Variants in CHRNA3 observed in about 807,000 individuals in gnomAD.
CHRNA3 encodes the protein cholinergic receptor nicotinic alpha 3 subunit.
A neutral mutation model predicts 41.9 loss-of-function variants in CHRNA3; 34 were observed. The observed-to-expected ratio is 0.81, with a 90% CI of 0.62 to 1.08. The LOEUF is 1.08. CHRNA3 is among the 50% of genes least tolerant of loss of function. The pLI, the probability that CHRNA3 is intolerant of heterozygous loss-of-function variation, is 0.00. For missense variants in CHRNA3, 542 were observed against 638.3 expected (o/e 0.85, Z 1.63); for synonymous variants, 281 against 265.2 (o/e 1.06, Z -0.58).
intron 5 of CHRNA3, among the ~76,000 whole-genome samples, chr15:78,600,863 G>A (rs2053186619): frequency 6.6e-6 from 1 of 152,026 alleles, no homozygotes; most frequent in South Asian, 2.1e-4. Context: ...GCAGGACCCT[G>A]TCTCAAAAAA....
Position 78,602,400 on chromosome 15 carries a change from G to T in CHRNA3, c.378-136C>A. On this transcript the variant is annotated intron_variant, in intron 4 of 5. Transcript: ENST00000326828. ...GATGAGAGCTAAAGTGCCATAAAAG[G>T]TCACCCATTTCCTGGCCCCATTTAC... 7 of 991,780 alleles carry T rather than the reference G, an allele frequency of 7.1e-6. No individual in the cohort carries two copies. In the South Asian group the frequency reaches 1.2e-4, roughly 17 times the overall value. The allele number at this position is 991,780 out of a possible 1,614,324, so 61.4% of individuals were successfully genotyped here.
intron 4 of CHRNA3, among the ~76,000 whole-genome samples, chr15:78,615,252 G>C (rs544709775): frequency 1.0e-3 from 156 of 152,342 alleles, no homozygotes; most frequent in African/African-American, 3.3e-3. Context: ...CCTTTTCCCA[G>C]TGGGAGGAGG....
intron 4 of CHRNA3, among the ~76,000 whole-genome samples, chr15:78,616,511 C>T (rs1228474172): frequency 6.6e-6 from 1 of 152,124 alleles, no homozygotes; most frequent in African/African-American, 2.4e-5. Context: ...TTACTCCATT[C>T]CTGTCTGTTT....
chr15:78,596,185 A>C lies in CHRNA3; in HGVS notation c.*419T>G. ...GGTAACGATGGGGGATTGCTGAATT[A>C]GTATAAACCTTCAAAGAGATTATGG... is the stretch of plus-strand genomic sequence containing the variant. On this transcript the variant is annotated 3_prime_UTR_variant, in exon 6 of 6. Transcript: ENST00000326828. The C allele has an allele frequency of 1.0e-6, 1 of 986,058 alleles. No individual in the cohort carries two copies. The highest frequency in any genetic ancestry group is 1.7e-5 in the African/African-American group (1 of 57,390). The allele number at this position is 986,058 out of a possible 1,614,324, so 61.1% of individuals were successfully genotyped here.
rs201336594 is a variant in CHRNA3, at chr15:78,596,579, C to A, written c.*25G>T. 11 of 1,522,582 alleles carry A rather than the reference C, an allele frequency of 7.2e-6. No individual in the cohort carries two copies. The highest frequency in any genetic ancestry group is 9.7e-6 in the Non-Finnish European group (11 of 1,138,784). The allele number at this position is 1,522,582 out of a possible 1,614,324, so 94.3% of individuals were successfully genotyped here. ...CTCCTGCCCTGACACAAGGAAGTCT[C>A]CCAGGCAGGCACACAGCTTAGTGCT... is the stretch of plus-strand genomic sequence containing the variant. On this transcript the variant is annotated 3_prime_UTR_variant, in exon 6 of 6. Coordinates refer to ENST00000326828, the MANE Select transcript of CHRNA3 (RefSeq NM_000743.5).
In CHRNA3 at chr15:78,595,424, C is replaced by A. The variant is rs201380302; in HGVS notation, c.*1180G>T. ...CACGTTAAGTTTCAGAAGTGTAGTA[C>A]ATGATACTCTTAACAATTTGTCTAA... On this transcript the variant is annotated 3_prime_UTR_variant, in exon 6 of 6. Coordinates refer to ENST00000326828, the MANE Select transcript of CHRNA3 (RefSeq NM_000743.5). 7.3e-5 allele frequency: 72 copies of A among 985,106 alleles called. No homozygotes were observed. The Admixed American group carries it at 2.4e-3, about 33-fold the overall frequency. The allele number at this position is 985,106 out of a possible 1,614,324, so 61.0% of individuals were successfully genotyped here.
At position 78,596,235 on chromosome 15, in the gene CHRNA3, G is replaced by A. The variant is rs1779044840; in HGVS notation, c.*369C>T. On this transcript the variant is annotated 3_prime_UTR_variant, in exon 6 of 6. Transcript: ENST00000326828. The stretch of plus-strand genomic sequence containing the variant: ...GGCTAAATAAGAAAAATTACTGGGA[G>A]ATCTGTAGTGATAACTGAATGACTT... 1 of 989,026 alleles carries A rather than the reference G, an allele frequency of 1.0e-6. No homozygotes were observed. The allele number at this position is 989,026 out of a possible 1,614,324, so 61.3% of individuals were successfully genotyped here.
At chr15:78,602,322 T>C (rs1017003260) in intron 4 of CHRNA3, 58 bp from the exon 5 acceptor site, 3 of 1,539,446 alleles carry the variant, frequency 1.9e-6, no homozygotes, top group Non-Finnish European at 2.6e-6. Context: ...GGTCATATTG[T>C]GGTCATCTCA....
At chr15:78,619,125 T>G (rs2053511461) in intron 1 of CHRNA3, 1 of 602,076 alleles carries the variant, frequency 1.7e-6, no homozygotes. Flanking sequence ...CCACACGCAT[T>G]CAGTGAGAAG....
intron 5 of CHRNA3, among the ~76,000 whole-genome samples, chr15:78,597,484 G>A (rs771271786): frequency 2.0e-5 from 3 of 151,822 alleles, no homozygotes; most frequent in African/African-American, 2.4e-5. Flanking sequence ...TGAGATAAGC[G>A]TTATCAGGGC....
rs2053541286 is a variant in CHRNA3, at chr15:78,620,891, A to C, written c.-97T>G. The C allele has an allele frequency of 1.6e-6, 2 of 1,271,780 alleles. No individual in the cohort carries two copies. Among genetic ancestry groups the C allele is most frequent in the Non-Finnish European group, 2.0e-6 (2 of 1,012,662 alleles). The allele number at this position is 1,271,780 out of a possible 1,614,324, so 78.8% of individuals were successfully genotyped here. ...CCCGCGCGGCTCCAGCGCAGACCCC[A>C]GACCTGGAGCCGTGCGGGCGGAGAC... is the stretch of plus-strand genomic sequence containing the variant. On this transcript the variant is annotated 5_prime_UTR_variant, in exon 1 of 6. Transcript: ENST00000326828.
chr15:78,593,266 G>A, downstream of CHRNA3: 1 of 1,598,506 alleles, frequency 6.3e-7, no homozygotes, highest in Non-Finnish European at 8.5e-7. Flanking sequence ...CCTCCCAAGG[G>A]ACTGAAGTAT....
At position 78,601,781 on chromosome 15, in the gene CHRNA3, G is replaced by A. The variant is rs1465993393; in HGVS notation, c.861C>T (p.Leu287=). 6.2e-7 allele frequency: 1 copy of A among 1,614,130 alleles called. No individual in the cohort carries two copies. Among genetic ancestry groups the A allele is most frequent in the Admixed American group, 1.7e-5 (1 of 60,006 alleles). Residue 287 remains leucine, a synonymous_variant, in exon 5 of 6, where the codon CTC becomes CTT. Transcript: ENST00000326828. ...ISVLLSLTVF[L]LVITETIPST... ...AAGGGATGGTCTCAGTGATCACCAG[G>A]AGAAACACCGTCAGGGAGAGGAGGA...
In CHRNA3 at chr15:78,596,420, C is replaced by G; in HGVS notation, c.*184G>C. On this transcript the variant is annotated 3_prime_UTR_variant, in exon 6 of 6. Coordinates refer to ENST00000326828, the MANE Select transcript of CHRNA3 (RefSeq NM_000743.5). Reference sequence around the variant, plus strand: ...AAAGGCTAGTTAAATGTTCATTTATCGGTAATAAATACTCTTGACATTTTT... The same window carrying G: ...AAAGGCTAGTTAAATGTTCATTTATGGGTAATAAATACTCTTGACATTTTT... 7.9e-7 allele frequency: 1 copy of G among 1,264,130 alleles called. No homozygotes were observed. The highest frequency in any genetic ancestry group is 1.6e-5 in the African/African-American group (1 of 63,404). The allele number at this position is 1,264,130 out of a possible 1,614,324, so 78.3% of individuals were successfully genotyped here. A position where few individuals can be genotyped will look rare whatever the true frequency, so the allele number is the denominator to read the frequency against.
intron 3 of CHRNA3, 34 bp downstream of exon 3, chr15:78,618,583 A>T: frequency 6.2e-7 from 1 of 1,613,384 alleles, no homozygotes; most frequent in Non-Finnish European, 8.5e-7. Flanking sequence ...AGTCACCACC[A>T]GGGGGCAGCA....
At chr15:78,594,762 T>A (rs1312893720), downstream of CHRNA3, 1 of 152,230 alleles carries the variant, frequency 6.6e-6, no homozygotes, top group Non-Finnish European at 1.5e-5. Context: ...ATGCACACTG[T>A]TATATACCTG....
rs1428337526 is a variant in CHRNA3 at position 78,602,000 on chromosome 15, G to A, written c.642C>T (p.Gly214=). The change falls in exon 5 of 6, where the codon GGC becomes GGT. Residue 214 remains glycine (G), a synonymous_variant. Coordinates refer to ENST00000326828, the MANE Select transcript of CHRNA3 (RefSeq NM_000743.5). ...SGEWAIIKAP[G]YKHDIKYNCC... is the part of the protein sequence containing the mutation. ...AGTTGTACTTGATGTCGTGTTTGTA[G>A]CCTGGGGCTTTGATGATGGCCCACT... The A allele has an allele frequency of 6.2e-7, 1 of 1,613,582 alleles. No homozygotes were observed. The highest frequency in any genetic ancestry group is 1.7e-5 in the Admixed American group (1 of 60,014).
chr15:78,595,415 A>C lies in CHRNA3; in HGVS notation c.*1189T>G. Reference sequence around the variant, plus strand: ...GGTGATGATCACGTTAAGTTTCAGAAGTGTAGTACATGATACTCTTAACAA... The same window carrying C: ...GGTGATGATCACGTTAAGTTTCAGACGTGTAGTACATGATACTCTTAACAA... On this transcript the variant is annotated 3_prime_UTR_variant, in exon 6 of 6. Coordinates refer to ENST00000326828, the MANE Select transcript of CHRNA3 (RefSeq NM_000743.5). The C allele has an allele frequency of 3.0e-6, 3 of 985,226 alleles. No homozygotes were observed. The highest frequency in any genetic ancestry group is 2.4e-6 in the Non-Finnish European group (2 of 829,756). The allele number at this position is 985,226 out of a possible 1,614,324, so 61.0% of individuals were successfully genotyped here.
At chr15:78,615,855 C>G (rs2053453567) in intron 4 of CHRNA3, among the ~76,000 whole-genome samples, 1 of 150,588 alleles carries the variant, frequency 6.6e-6, no homozygotes, top group African/African-American at 2.4e-5. Flanking sequence ...ATTCTCCTGC[C>G]TCAGCCTCTG....
Sources: gnomAD v4.1 joint callset for allele counts (sites outside exome capture counted in the v4.1 genomes callset) on GRCh38, gnomAD v4.1.1 for gene constraint, MANE v1.5 for transcripts, NCBI Gene and HGNC (gene_info 2026-07-23, HGNC 2026-07-21) for gene names.